WDR41: variants seen among roughly 807,000 people sequenced by gnomAD.
WDR41 encodes the protein WD repeat domain 41, also known as WD repeat-containing protein 41.
In WDR41, 63 loss-of-function variants were observed where a neutral mutation model predicts 69.3. That is an observed-to-expected ratio of 0.91 (90% CI 0.74 to 1.12). WDR41 has a LOEUF of 1.12. WDR41 is among the 50% of genes most tolerant of loss of function. WDR41 has a pLI of 0.00. For synonymous variants in WDR41, 185 were observed against 192.1 expected, an observed-to-expected ratio of 0.96 and a Z score of 0.31; for missense variants, 543 against 534.5, an observed-to-expected ratio of 1.02 and a Z score of -0.16.
At chr5:77,578,745 T>A (rs1445888506) in intron 1 of WDR41, among the ~76,000 whole-genome samples, 2 of 150,786 alleles carry the variant, frequency 1.3e-5, no homozygotes, top group African/African-American at 4.9e-5. Flanking sequence ...GAGCCTGTAA[T>A]CCCAGCTACT....
chr5:77,473,240 T>C (rs1800719823), intron 2 of WDR41, among the ~76,000 whole-genome samples: 1 of 152,218 alleles, frequency 6.6e-6, no homozygotes, highest in African/African-American at 2.4e-5. Context: ...TGGCTAGTCA[T>C]ATGCAGAAAG....
At chr5:77,498,591 G>A (rs1400092073) in intron 1 of WDR41, among the ~76,000 whole-genome samples, 1 of 152,134 alleles carries the variant, frequency 6.6e-6, no homozygotes. Flanking sequence ...GGCTGAGGTA[G>A]GAGGATTGCT....
intron 11 of WDR41, among the ~76,000 whole-genome samples, chr5:77,436,748 T>C (rs1345272331): frequency 6.6e-6 from 1 of 152,136 alleles, no homozygotes; most frequent in African/African-American, 2.4e-5. Flanking sequence ...GGGGAAAAGC[T>C]GTATATGTAT....
At chr5:77,492,097 G>C (rs1256871579) in intron 1 of WDR41, 73 bp downstream of exon 1, 1 of 1,569,702 alleles carries the variant, frequency 6.4e-7, no homozygotes, top group African/African-American at 1.4e-5. Context: ...CGGAACCCAG[G>C]AAGGCCGAAC....
intron 8 of WDR41, among the ~76,000 whole-genome samples, chr5:77,443,553 C>A (rs1428920038): frequency 6.6e-6 from 1 of 152,148 alleles, no homozygotes; most frequent in Non-Finnish European, 1.5e-5. Context: ...ATCTGTGGAG[C>A]AAAACGGGCT....
upstream of WDR41, among the ~76,000 whole-genome samples, chr5:77,493,123 C>T (rs1801878198): frequency 1.3e-5 from 2 of 152,306 alleles, no homozygotes; most frequent in East Asian, 3.9e-4. Flanking sequence ...GCTTCCACCT[C>T]AGACTCATTA....
intron 4 of WDR41, among the ~76,000 whole-genome samples, chr5:77,460,451 T>C (rs1319379271): frequency 5.9e-5 from 9 of 152,292 alleles, no homozygotes; most frequent in African/African-American, 2.2e-4. Flanking sequence ...TATTTCACTA[T>C]TCACAAGCAG....
At chr5:77,479,449 A>G (rs1347889289) in intron 2 of WDR41, among the ~76,000 whole-genome samples, 2 of 152,288 alleles carry the variant, frequency 1.3e-5, no homozygotes, top group Admixed American at 1.3e-4. Context: ...TAACCAAAAC[A>G]GCATGGTACT....
intron 1 of WDR41, among the ~76,000 whole-genome samples, chr5:77,498,034 A>C (rs937308684): frequency 1.3e-5 from 2 of 152,260 alleles, no homozygotes; most frequent in African/African-American, 4.8e-5. Flanking sequence ...TGAAATACTT[A>C]GAATAGGTAA....
chr5:77,502,236 A>G (rs545367428), intron 1 of WDR41, among the ~76,000 whole-genome samples: 5 of 152,222 alleles, frequency 3.3e-5, no homozygotes, highest in Admixed American at 6.5e-5. Flanking sequence ...ACAAGCTTCA[A>G]TAGCCAATTC....
At chr5:77,536,268 T>A (rs1035923595) in intron 1 of WDR41, among the ~76,000 whole-genome samples, 2 of 152,122 alleles carry the variant, frequency 1.3e-5, no homozygotes, top group African/African-American at 4.8e-5. Context: ...TGTGGAGTAC[T>A]GTGCTAGGTG....
intron 1 of WDR41, among the ~76,000 whole-genome samples, chr5:77,489,895 T>A (rs1801692105): frequency 6.6e-6 from 1 of 152,184 alleles, no homozygotes; most frequent in Admixed American, 6.5e-5. Flanking sequence ...AAAAAAGTAA[T>A]GGGCCAATCC....
At chr5:77,569,338 C>T (rs1743690644) in intron 1 of WDR41, among the ~76,000 whole-genome samples, 1 of 152,104 alleles carries the variant, frequency 6.6e-6, no homozygotes, top group Admixed American at 6.5e-5. Flanking sequence ...AGATGACACA[C>T]TAAGGTCATA....
upstream of WDR41, among the ~76,000 whole-genome samples, chr5:77,496,083 C>G (rs1322454651): frequency 2.0e-5 from 3 of 151,960 alleles, no homozygotes; most frequent in African/African-American, 4.8e-5. Flanking sequence ...TATCACAAAA[C>G]TCTCAGAAAA....
At chr5:77,458,822 T>C (rs1799930180) in intron 5 of WDR41, 2 of 333,948 alleles carry the variant, frequency 6.0e-6, no homozygotes, top group East Asian at 9.8e-5. Context: ...TACCAGGTAC[T>C]ACCTTTTTTC....
chr5:77,565,856 C>G (rs1743616999), intron 1 of WDR41, among the ~76,000 whole-genome samples: 1 of 152,028 alleles, frequency 6.6e-6, no homozygotes, highest in African/African-American at 2.4e-5. Context: ...AAAAGAAGAA[C>G]CAAAAATTTG....
chr5:77,578,534 G>A (rs1233187373), intron 1 of WDR41, among the ~76,000 whole-genome samples: 2 of 152,092 alleles, frequency 1.3e-5, no homozygotes, highest in African/African-American at 4.8e-5. Flanking sequence ...TGGATTTAAT[G>A]GAAAAGACTT....
At chr5:77,608,296 A>G (rs370823516) in intron 1 of WDR41, among the ~76,000 whole-genome samples, 1 of 152,194 alleles carries the variant, frequency 6.6e-6, no homozygotes, top group Non-Finnish European at 1.5e-5. Context: ...AAATGTTGAT[A>G]GGGAATTGTT....
chr5:77,604,026 C>T lies in WDR41; in HGVS notation c.42+16453G>A, dbSNP rs150796454. Among the ~76,000 whole-genome samples the T allele has an allele frequency of 3.7e-3, 558 of 152,238 alleles. 3 individuals are homozygous for T. Among genetic ancestry groups the T allele is most frequent in the Non-Finnish European group, 6.3e-3 (430 of 67,982 alleles). On this transcript the variant is annotated intron_variant, in intron 1 of 5. Coordinates refer to the WDR41 transcript ENST00000509971. Reference sequence around the variant, plus strand: ...GTAGTGTGATGGCTCCAGCTTTGTTCTTTTTCCCTCAAGATCGCTTTGGCT... The same window carrying T: ...GTAGTGTGATGGCTCCAGCTTTGTTTTTTTTCCCTCAAGATCGCTTTGGCT...
Sources: allele counts gnomAD v4.1 joint callset (sites outside exome capture counted in the v4.1 genomes callset), GRCh38; gene constraint gnomAD v4.1.1; transcripts MANE v1.5; gene names NCBI Gene and HGNC (gene_info 2026-07-23, HGNC 2026-07-21).